The following ISM2 variants were observed in gnomAD, a reference collection of about 807,000 sequenced individuals.
ISM2 encodes the protein isthmin 2, also known as isthmin-2.
ISM2 carries 50 observed loss-of-function variants against 58.0 expected under a neutral mutation model. The observed-to-expected ratio is 0.86, with a 90% CI of 0.69 to 1.09. ISM2 has a LOEUF of 1.09. ISM2 is among the 50% of genes least tolerant of loss of function. ISM2 has a pLI of 0.00. For missense variants in ISM2, 723 were observed against 745.0 expected, an observed-to-expected ratio of 0.97 and a Z score of 0.34; for synonymous variants, 303 against 312.4, an observed-to-expected ratio of 0.97 and a Z score of 0.32.
rs1476823511 is a variant in ISM2, at chr14:77,478,344, C to T, written c.1115-19G>A. 2 of 1,607,284 alleles carry T rather than the reference C, an allele frequency of 1.2e-6. No homozygotes were observed. Among genetic ancestry groups the T allele is most frequent in the East Asian group, 2.2e-5 (1 of 44,836 alleles). ...TCAGTGCCTTTGGGAGGAAAGGAGG[C>T]CAGGCTGGTGGCTCCGCAGGCCACC... On this transcript the variant is annotated intron_variant, in intron 5 of 6. Coordinates refer to ENST00000342219, the MANE Select transcript of ISM2 (RefSeq NM_199296.3).
At chr14:77,493,556 A>T (rs6574376) in intron 1 of ISM2, among the ~76,000 whole-genome samples, 14 of 151,796 alleles carry the variant, frequency 9.2e-5, no homozygotes, top group Middle Eastern at 3.4e-3. Flanking sequence ...CTGCCTCCTT[A>T]GTTCAAGCAA....
In ISM2 at chr14:77,475,824, TC is replaced by T. The variant is rs755099810; in HGVS notation, c.1486del (p.Glu496ArgfsTer6). ...TLAAQHCCYD[E>X]DSRLLTRGKG... is the part of the protein sequence containing the mutation. ...GCCACGGGTCAGCAGCCGGCTGTCC[TC>T]GTCATAGCAGCAGTGCTGGGCGGCC... On this transcript the variant is annotated frameshift_variant, in exon 7 of 7. Transcript: ENST00000342219. LOFTEE classifies it high-confidence loss of function. This position sits in a 1 kb window ranked among gnomAD's most constrained non-coding sequence, Gnocchi z 4.1. 6.2e-7 allele frequency: 1 copy of T among 1,612,516 alleles called. No individual in the cohort carries two copies. The highest frequency in any genetic ancestry group is 2.2e-5 in the East Asian group (1 of 44,858).
intron 1 of ISM2, 44 bp from the exon 2 acceptor site, chr14:77,484,963 CCCCACGGG>C (rs773706044): frequency 1.8e-5 from 27 of 1,517,158 alleles, no homozygotes; most frequent in Non-Finnish European, 2.2e-5. Context: ...TCAGGGCTCA[CCCCACGGG>C]GATCCGGAAA....
At chr14:77,476,502 G>C (rs903754229) in intron 6 of ISM2, among the ~76,000 whole-genome samples, 1 of 152,146 alleles carries the variant, frequency 6.6e-6, no homozygotes, top group African/African-American at 2.4e-5. Context: ...TGGTAAGAAG[G>C]TTTCATTATT....
intron 1 of ISM2, among the ~76,000 whole-genome samples, chr14:77,494,683 C>T (rs1566759438): frequency 6.6e-6 from 1 of 152,064 alleles, no homozygotes; most frequent in African/African-American, 2.4e-5. Context: ...AGGTGTGAGC[C>T]ACTGCACCCA....
At chr14:77,479,104 T>C (rs1594946672) in intron 4 of ISM2, among the ~76,000 whole-genome samples, 1 of 152,336 alleles carries the variant, frequency 6.6e-6, no homozygotes, top group East Asian at 1.9e-4. Flanking sequence ...TCTTACCCTG[T>C]TGCCCAGGCT....
intron 3 of ISM2, chr14:77,483,922 A>C: frequency 6.2e-6 from 1 of 162,500 alleles, no homozygotes; most frequent in Non-Finnish European, 1.3e-5. Context: ...CCACCAGCCT[A>C]CTCCATTCCA....
At chr14:77,477,623 T>C (rs144214700) in intron 6 of ISM2, among the ~76,000 whole-genome samples, 1 of 152,334 alleles carries the variant, frequency 6.6e-6, no homozygotes, top group African/African-American at 2.4e-5. Context: ...CTGAGCTCCT[T>C]GAGGACATGG....
At chr14:77,478,157 A>C in intron 6 of ISM2, 85 bp downstream of exon 6, 1 of 1,112,236 alleles carries the variant, frequency 9.0e-7, no homozygotes, top group Non-Finnish European at 1.3e-6. Context: ...GAAAGAAGCC[A>C]GGTTCCTGCC....
Position 77,475,521 on chromosome 14 carries a change from T to TAA in ISM2, c.*73_*74insTT, listed in dbSNP as rs1196897874. 5.4e-5 allele frequency: 8 copies of TAA among 148,418 alleles called. No homozygotes were observed. The Admixed American group carries it at 1.2e-3, about 22-fold the overall frequency. The allele number at this position is 148,418 out of a possible 1,614,324, so 9.2% of individuals were successfully genotyped here. A position where few individuals can be genotyped will look rare whatever the true frequency, so the allele number is the denominator to read the frequency against. ...CTCACCCTGTCTGGGCAGGGGCGGG[T>TAA]GAGGAAAGTTCTCCCGTGCAACAGC... On this transcript the variant is annotated 3_prime_UTR_variant, in exon 7 of 7. Coordinates refer to ENST00000342219, the MANE Select transcript of ISM2 (RefSeq NM_199296.3). This position sits in a 1 kb window ranked among gnomAD's most constrained non-coding sequence, Gnocchi z 4.1.
intron 4 of ISM2, among the ~76,000 whole-genome samples, chr14:77,479,288 C>T (rs563492590): frequency 5.0e-4 from 76 of 152,122 alleles, no homozygotes; most frequent in Non-Finnish European, 8.7e-4. Flanking sequence ...GGCGTGATTT[C>T]GGCTCACTGT....
In ISM2 at chr14:77,475,675, G is replaced by A; in HGVS notation, c.1636C>T (p.Pro546Ser). ...TCGGTGCAGGCTCGGCCGTTGTTGG[G>A]AGGGAGCACAGCGTGGAGGCGGCTC... ...DWSRLHAVLP[P>S]NNGRACTDNP... is the part of the protein sequence containing the mutation. The change falls in exon 7 of 7, where the codon CCC (proline) becomes TCC (serine). Residue 546 changes from proline to serine, a missense_variant. Physicochemically the swap from Pro to Ser is moderately conservative, Grantham distance 74 (BLOSUM62 -1). Transcript: ENST00000342219. This position sits in a 1 kb window ranked among gnomAD's most constrained non-coding sequence, Gnocchi z 4.1. 6.2e-7 allele frequency: 1 copy of A among 1,613,964 alleles called. No homozygotes were observed. The highest frequency in any genetic ancestry group is 2.2e-5 in the East Asian group (1 of 44,874).
chr14:77,487,200 G>A (rs954302082), intron 1 of ISM2, among the ~76,000 whole-genome samples: 5 of 151,720 alleles, frequency 3.3e-5, no homozygotes, highest in Admixed American at 6.6e-5. Flanking sequence ...AGCCAAGATC[G>A]CATCATTGCA....
At chr14:77,486,802 G>T (rs1390205914) in intron 1 of ISM2, among the ~76,000 whole-genome samples, 1 of 151,574 alleles carries the variant, frequency 6.6e-6, no homozygotes, top group Non-Finnish European at 1.5e-5. Flanking sequence ...GCACTGCCTG[G>T]AGAAATTTGT....
rs2079096375 is a variant in ISM2, at chr14:77,476,029, T to A, written c.1282A>T (p.Ser428Cys). Residue 428 changes from serine (S) to cysteine (C), a missense_variant, in exon 7 of 7, where the codon AGC becomes TGC. Transcript: ENST00000342219. ...YLSQMLRDLPSCPCAYPLEAM... is the reference protein window; with the variant it reads ...YLSQMLRDLPCCPCAYPLEAM... ...TCCAGTGGGTAGGCACACGGGCAGC[T>A]GGGCAGGTCCCGCAGCATCTGGCTC... The A allele has an allele frequency of 6.4e-7, 1 of 1,572,308 alleles. No homozygotes were observed. Among genetic ancestry groups the A allele is most frequent in the Admixed American group, 1.7e-5 (1 of 57,966 alleles).
chr14:77,484,117 C>T, intron 3 of ISM2: 3 of 593,576 alleles, frequency 5.1e-6, no homozygotes, highest in South Asian at 4.8e-5. Context: ...AGTCAAAAGA[C>T]TTGCCCAAGG....
At chr14:77,489,131 C>T (rs2079185675) in intron 1 of ISM2, among the ~76,000 whole-genome samples, 1 of 152,228 alleles carries the variant, frequency 6.6e-6, no homozygotes, top group African/African-American at 2.4e-5. Context: ...CCAATCCCCA[C>T]AGACCCTTAC....
At chr14:77,490,896 A>G (rs896666983) in intron 1 of ISM2, among the ~76,000 whole-genome samples, 1 of 152,188 alleles carries the variant, frequency 6.6e-6, no homozygotes, top group Non-Finnish European at 1.5e-5. Context: ...AAGGAAGGCC[A>G]TAGCTGAGGT....
At chr14:77,489,756 C>G (rs1416477844) in intron 1 of ISM2, among the ~76,000 whole-genome samples, 1 of 152,232 alleles carries the variant, frequency 6.6e-6, no homozygotes, top group Non-Finnish European at 1.5e-5. Flanking sequence ...GCTCCCCGCA[C>G]AGGGCCGGCT....
Sources: gnomAD v4.1 joint callset for allele counts (sites outside exome capture counted in the v4.1 genomes callset) on GRCh38, gnomAD v4.1.1 for gene constraint, Gnocchi (gnomAD v3.1) non-coding constraint, MANE v1.5 for transcripts, NCBI Gene and HGNC (gene_info 2026-07-23, HGNC 2026-07-21) for gene names.